Variants in ARHGAP29 observed in about 807,000 individuals in gnomAD.
The protein encoded by ARHGAP29 is Rho GTPase activating protein 29, also known as rho GTPase-activating protein 29.
Under a neutral mutation model 122.6 loss-of-function variants are expected in ARHGAP29, and 43 were observed. The ratio of observed to expected loss-of-function variants is 0.35; its 90% CI spans 0.27 to 0.45. The LOEUF is 0.45. Ranked by LOEUF, ARHGAP29 falls within the 20% of genes least tolerant of loss-of-function variation. ARHGAP29 has a pLI of 1.00. For missense variants in ARHGAP29, 1,303 were observed against 1,477.2 expected (o/e 0.88, Z 1.93); for synonymous variants, 506 against 497.1 (o/e 1.02, Z -0.24).
At chr1:94,214,328 C>A (rs1242220006) in intron 3 of ARHGAP29, among the ~76,000 whole-genome samples, 2 of 152,182 alleles carry the variant, frequency 1.3e-5, no homozygotes, top group African/African-American at 4.8e-5. Context: ...GCCTCTATAG[C>A]TCTCATCTTG....
intron 1 of ARHGAP29, among the ~76,000 whole-genome samples, chr1:94,252,971 T>G (rs1374295769): frequency 1.3e-5 from 2 of 151,964 alleles, no homozygotes; most frequent in African/African-American, 2.4e-5. Flanking sequence ...CACTTCATTC[T>G]CCTTTATTTT....
chr1:94,224,702 A>T (rs1557874139), intron 2 of ARHGAP29, among the ~76,000 whole-genome samples: 1 of 152,138 alleles, frequency 6.6e-6, no homozygotes, highest in African/African-American at 2.4e-5. Flanking sequence ...CTTAAGAATC[A>T]CTATATCCAA....
chr1:94,284,325 A>G, the ARHGAP29 span, among the ~76,000 whole-genome samples: 14 of 152,240 alleles, frequency 9.2e-5, no homozygotes, highest in Non-Finnish European at 1.9e-4. Flanking sequence ...AACACTTTAC[A>G]TACCTTATTT....
Position 94,189,110 on chromosome 1 carries a change from A to G in ARHGAP29, c.1576+106T>C. The G allele has an allele frequency of 2.8e-6, 4 of 1,443,438 alleles. No homozygotes were observed. In the South Asian group the frequency reaches 5.6e-5, roughly 20 times the overall value. The allele number at this position is 1,443,438 out of a possible 1,614,324, so 89.4% of individuals were successfully genotyped here. ...GTGAATAAGATCTCATAAACTTACA[A>G]ACTAAGGCCTGATTTTTAAATTCCA... On this transcript the variant is annotated intron_variant, in intron 14 of 22. Coordinates refer to ENST00000260526, the MANE Select transcript of ARHGAP29 (RefSeq NM_004815.4).
chr1:94,216,076 C>A (rs1651940585), intron 3 of ARHGAP29, among the ~76,000 whole-genome samples: 1 of 152,168 alleles, frequency 6.6e-6, no homozygotes, highest in African/African-American at 2.4e-5. Context: ...GCCTCTTCAG[C>A]ACTGCTATCA....
chr1:94,184,411 GA>G (rs1454649040), intron 18 of ARHGAP29, 123 bp from the exon 19 acceptor site: 2 of 773,868 alleles, frequency 2.6e-6, no homozygotes, highest in Non-Finnish European at 3.9e-6. Context: ...TATTATTTTA[GA>G]AAAAAACTAT....
At chr1:94,249,956 T>C (rs1654018688) in intron 1 of ARHGAP29, among the ~76,000 whole-genome samples, 1 of 151,984 alleles carries the variant, frequency 6.6e-6, no homozygotes, top group Non-Finnish European at 1.5e-5. Context: ...GGAGGGATGT[T>C]GAGGGCATGA....
chr1:94,203,243 A>G lies in ARHGAP29; in HGVS notation c.763-33T>C, dbSNP rs367970308. 3.0e-5 allele frequency: 44 copies of G among 1,483,362 alleles called. No homozygotes were observed. The African/African-American group carries it at 4.6e-4, about 16-fold the overall frequency. 91.9% of individuals were successfully genotyped at this position (1,483,362 alleles called of 1,614,324 possible). On this transcript the variant is annotated intron_variant, in intron 8 of 22. Transcript: ENST00000260526. ...TTAAAATTGAAAAGTAAATTTTACA[A>G]TAGAAATGGCACTAGAATTCCAAAC...
At chr1:94,225,747 T>G (rs1481552337) in intron 2 of ARHGAP29, among the ~76,000 whole-genome samples, 1 of 152,068 alleles carries the variant, frequency 6.6e-6, no homozygotes. Context: ...GTGGCCATAT[T>G]GTAAATGTAA....
rs191201837 is a variant in ARHGAP29 at position 94,247,122 on chromosome 1, C to T, written c.-32-15479G>A. On this transcript the variant is annotated intron_variant and NMD_transcript_variant, in intron 1 of 25. Coordinates refer to the ARHGAP29 transcript ENST00000552844. ...TGTTTTACTCAGCCTTTGCATGTGT[C>T]AGACTGAAATTTCAGAAAACGTCAC... Among the ~76,000 whole-genome samples the T allele has an allele frequency of 1.7e-3, 253 of 152,216 alleles. 1 individual carries two copies. Among genetic ancestry groups the T allele is most frequent in the Non-Finnish European group, 2.1e-3 (145 of 68,012 alleles).
At chr1:94,254,617 G>A (rs776897510) in intron 1 of ARHGAP29, among the ~76,000 whole-genome samples, 6 of 152,138 alleles carry the variant, frequency 3.9e-5, no homozygotes, top group Non-Finnish European at 8.8e-5. Context: ...CTCCATTCGG[G>A]AAAAATGACT....
rs1196748288 is a variant in ARHGAP29, at chr1:94,201,697, A to G, written c.1281+23T>C. 3.1e-6 allele frequency: 5 copies of G among 1,612,660 alleles called. No individual in the cohort carries two copies. In the African/African-American group the frequency reaches 5.3e-5, roughly 17 times the overall value. On this transcript the variant is annotated intron_variant, in intron 12 of 22. Coordinates refer to ENST00000260526, the MANE Select transcript of ARHGAP29 (RefSeq NM_004815.4). ...CTGATGGTCTTTTCTTCTTGCCTTC[A>G]AAATACTGAAGAAATTACTTACAGC...
At chr1:94,245,196 G>T (rs112871083) in intron 1 of ARHGAP29, among the ~76,000 whole-genome samples, 3 of 152,086 alleles carry the variant, frequency 2.0e-5, no homozygotes, top group Admixed American at 6.5e-5. Flanking sequence ...TCTTACACAG[G>T]AAATGTACAT....
chr1:94,210,923 T>C (rs1651556330), intron 3 of ARHGAP29, among the ~76,000 whole-genome samples: 3 of 149,274 alleles, frequency 2.0e-5, no homozygotes, highest in African/African-American at 7.4e-5. Context: ...AAAAAAAAGA[T>C]TTCTATACAA....
At chr1:94,258,408 C>G (rs535965240) in intron 1 of ARHGAP29, among the ~76,000 whole-genome samples, 1 of 152,292 alleles carries the variant, frequency 6.6e-6, no homozygotes, top group South Asian at 2.1e-4. Context: ...TTAAAATTGT[C>G]CAGGCCAAAT....
chr1:94,270,738 A>G (rs900090832), intron 1 of ARHGAP29, among the ~76,000 whole-genome samples: 7 of 152,342 alleles, frequency 4.6e-5, no homozygotes, highest in African/African-American at 1.7e-4. Context: ...GGGAGCAAGT[A>G]AAAAATGGAT....
chr1:94,189,424 T>C (rs1650003586), intron 13 of ARHGAP29, 72 bp from the exon 14 acceptor site: 2 of 1,434,268 alleles, frequency 1.4e-6, no homozygotes, highest in Non-Finnish European at 1.8e-6. Context: ...TTTCATTCTA[T>C]GTTTAGAAAA....
In ARHGAP29 at chr1:94,177,929, A is replaced by C; in HGVS notation, c.2719T>G (p.Phe907Val). 1 of 1,614,154 alleles carries C rather than the reference A, an allele frequency of 6.2e-7. No homozygotes were observed. Among genetic ancestry groups the C allele is most frequent in the Non-Finnish European group, 8.5e-7 (1 of 1,180,026 alleles). The change falls in exon 21 of 23, where the codon TTT (phenylalanine) becomes GTT (valine). Residue 907 changes from phenylalanine (F) to valine (V), a missense_variant. Transcript: ENST00000260526. ...TCTGGTGATAACAGAGGCTTTGGAAAACAGCCTTGATCAACAACACCTATG... is the reference window on the plus strand; with the variant it reads ...TCTGGTGATAACAGAGGCTTTGGAACACAGCCTTGATCAACAACACCTATG... ...CSIGVVDQGC[F>V]PKPLLSPEER...
At chr1:94,285,361 C>T in the ARHGAP29 span, among the ~76,000 whole-genome samples, 12 of 152,066 alleles carry the variant, frequency 7.9e-5, no homozygotes, top group Admixed American at 3.3e-4. Flanking sequence ...AATACAGTCC[C>T]GGTCTCAAAG....
Sources: gnomAD v4.1 joint callset for allele counts (sites outside exome capture counted in the v4.1 genomes callset) on GRCh38, gnomAD v4.1.1 for gene constraint, MANE v1.5 for transcripts, NCBI Gene and HGNC (gene_info 2026-07-23, HGNC 2026-07-21) for gene names.